The following ASTN1 variants were observed in gnomAD, a reference collection of about 807,000 sequenced individuals.
The protein encoded by ASTN1 is astrotactin 1.
Under a neutral mutation model 140.7 loss-of-function variants are expected in ASTN1, and 41 were observed. That is an observed-to-expected ratio of 0.29 (90% confidence interval 0.23 to 0.38). ASTN1 has a LOEUF of 0.38. Among genes scored for constraint, ASTN1 ranks in the 10% least tolerant of loss-of-function variants. The probability of loss-of-function intolerance (pLI) is 1.00; values close to 1 mark genes in which losing one functional copy is unlikely to be tolerated. For missense variants in ASTN1, 1,479 were observed against 1,678.8 expected, an observed-to-expected ratio of 0.88 and a Z score of 2.08; for synonymous variants, 640 against 652.2, an observed-to-expected ratio of 0.98 and a Z score of 0.29.
At chr1:177,107,272 T>A (rs1170052792) in intron 1 of ASTN1, among the ~76,000 whole-genome samples, 2 of 152,172 alleles carry the variant, frequency 1.3e-5, no homozygotes, top group Admixed American at 1.3e-4. Context: ...GCAGGTTCAA[T>A]CTAGCTATAC....
At chr1:176,949,408 G>A (rs1433039609) in intron 11 of ASTN1, 57 bp from the exon 12 acceptor site, 1 of 1,556,968 alleles carries the variant, frequency 6.4e-7, no homozygotes, top group Non-Finnish European at 8.7e-7. Context: ...TGAGTTCTCT[G>A]GGAACTGAGT....
intron 8 of ASTN1, among the ~76,000 whole-genome samples, chr1:176,965,822 G>C (rs1255254439): frequency 1.3e-5 from 2 of 152,168 alleles, no homozygotes; most frequent in Non-Finnish European, 2.9e-5. Context: ...AAAATGACAA[G>C]AGGATTCTGG....
At chr1:177,024,783 A>T (rs1250510422) in intron 5 of ASTN1, 51 bp from the exon 6 acceptor site, 1 of 1,584,108 alleles carries the variant, frequency 6.3e-7, no homozygotes, top group Non-Finnish European at 8.6e-7. Flanking sequence ...CTTGGCATTG[A>T]GAGTCCAACT....
At chr1:177,001,081 T>G (rs1431795971) in intron 8 of ASTN1, among the ~76,000 whole-genome samples, 7 of 152,188 alleles carry the variant, frequency 4.6e-5, no homozygotes, top group African/African-American at 1.4e-4. Flanking sequence ...ACCCCCAGAC[T>G]TGGTAATACT....
intron 1 of ASTN1, among the ~76,000 whole-genome samples, chr1:177,127,136 TTTA>T (rs1449559121): frequency 2.1e-4 from 29 of 138,914 alleles, no homozygotes; most frequent in African/African-American, 8.7e-4. Flanking sequence ...AAAATGAAGT[TTTA>T]TTTTTTTTTA....
downstream of ASTN1, chr1:176,857,646 G>A: frequency 1.6e-6 from 1 of 617,698 alleles, no homozygotes; most frequent in South Asian, 2.0e-5. Flanking sequence ...CAACACGCTG[G>A]AAGCCTGTTG....
At chr1:177,157,508 T>C (rs540805104) in intron 1 of ASTN1, among the ~76,000 whole-genome samples, 1 of 151,858 alleles carries the variant, frequency 6.6e-6, no homozygotes, top group African/African-American at 2.4e-5. Context: ...AGAGATGGGG[T>C]TTTGTCATGT....
chr1:176,937,242 T>G (rs1287474953), intron 14 of ASTN1, among the ~76,000 whole-genome samples: 1 of 152,124 alleles, frequency 6.6e-6, no homozygotes, highest in Non-Finnish European at 1.5e-5. Context: ...TATTTAAGTT[T>G]CAATTTCTCT....
chr1:176,987,605 G>A (rs141391930), intron 8 of ASTN1, among the ~76,000 whole-genome samples: 9 of 152,258 alleles, frequency 5.9e-5, no homozygotes, highest in Admixed American at 2.6e-4. Context: ...GCCCTGTCAT[G>A]CCCACTATTC....
At chr1:177,112,711 G>A (rs1030480270) in intron 1 of ASTN1, among the ~76,000 whole-genome samples, 6 of 152,284 alleles carry the variant, frequency 3.9e-5, no homozygotes, top group East Asian at 3.9e-4. Flanking sequence ...AGCATGCAGC[G>A]CAGACATCCC....
At chr1:177,054,089 A>G (rs985924819) in intron 2 of ASTN1, among the ~76,000 whole-genome samples, 3 of 152,194 alleles carry the variant, frequency 2.0e-5, no homozygotes, top group African/African-American at 7.2e-5. Flanking sequence ...GGGTCAGGAG[A>G]GGAGTGCTTC....
At chr1:176,991,479 A>AAAAAAAAACC (rs1674171997) in intron 8 of ASTN1, among the ~76,000 whole-genome samples, 1 of 145,870 alleles carries the variant, frequency 6.9e-6, no homozygotes, top group South Asian at 2.2e-4. Flanking sequence ...AACAAAAAGA[A>AAAAAAAAACC]ACGCTATAGA....
Position 176,884,243 on chromosome 1 carries a change from G to A in ASTN1, c.3226+96C>T. The stretch of plus-strand genomic sequence containing the variant: ...TCCTCCTGCATTGCCCTGGGATACT[G>A]GGGACCTGGAGCAAAGCCATGAGGC... On this transcript the variant is annotated intron_variant, in intron 19 of 22. Coordinates refer to ENST00000361833, the MANE Select transcript of ASTN1 (RefSeq NM_004319.3). 3.5e-6 allele frequency: 5 copies of A among 1,422,516 alleles called. No individual in the cohort carries two copies. In the Admixed American group the frequency reaches 9.1e-5, roughly 26 times the overall value. The allele number at this position is 1,422,516 out of a possible 1,614,324, so 88.1% of individuals were successfully genotyped here. A position where few individuals can be genotyped will look rare whatever the true frequency, so the allele number is the denominator to read the frequency against.
chr1:176,865,649 T>G (rs1398759177), intron 22 of ASTN1, among the ~76,000 whole-genome samples: 3 of 152,250 alleles, frequency 2.0e-5, no homozygotes, highest in South Asian at 2.1e-4. Context: ...CTTTGCAGCA[T>G]TTATTGACTG....
At chr1:176,888,552 C>T (rs879935088) in intron 17 of ASTN1, among the ~76,000 whole-genome samples, 7 of 152,194 alleles carry the variant, frequency 4.6e-5, no homozygotes, top group Non-Finnish European at 1.0e-4. Flanking sequence ...CTCTACCACA[C>T]ATCTTCTGGG....
chr1:176,893,413 C>T lies in ASTN1; in HGVS notation c.2940+1149G>A, dbSNP rs566171803. On this transcript the variant is annotated intron_variant, in intron 17 of 22. Coordinates refer to ENST00000361833, the MANE Select transcript of ASTN1 (RefSeq NM_004319.3). The stretch of plus-strand genomic sequence containing the variant: ...CCTTCCGAAGGTCTCTTTTCTACCA[C>T]TCCTCTTCCTGTAGCCACCTTTATC... Among the ~76,000 whole-genome samples the T allele has an allele frequency of 1.1e-4, 16 of 152,336 alleles. No individual in the cohort carries two copies. The South Asian group carries it at 1.7e-3, about 16-fold the overall frequency.
intron 20 of ASTN1, among the ~76,000 whole-genome samples, chr1:176,880,384 T>C (rs1668746403): frequency 6.6e-6 from 1 of 152,170 alleles, no homozygotes; most frequent in Non-Finnish European, 1.5e-5. Context: ...GCCTCCCTTT[T>C]TTCTGAATTA....
chr1:176,871,866 T>C (rs759056198), intron 21 of ASTN1, among the ~76,000 whole-genome samples: 2 of 152,368 alleles, frequency 1.3e-5, no homozygotes, highest in Middle Eastern at 3.4e-3. Flanking sequence ...CAGATACCTG[T>C]CTTCTCTCTC....
chr1:177,114,073 G>A (rs1211966383), intron 1 of ASTN1, among the ~76,000 whole-genome samples: 1 of 152,270 alleles, frequency 6.6e-6, no homozygotes, highest in East Asian at 1.9e-4. Flanking sequence ...CATGTTGCCT[G>A]GCAGAGCTCA....
Sources: allele counts gnomAD v4.1 joint callset (sites outside exome capture counted in the v4.1 genomes callset), GRCh38; gene constraint gnomAD v4.1.1; transcripts MANE v1.5; gene names NCBI Gene and HGNC (gene_info 2026-07-23, HGNC 2026-07-21).